SLMAP: variants seen among roughly 807,000 people sequenced by gnomAD.
The protein encoded by SLMAP is sarcolemma associated protein, also known as sarcolemmal membrane-associated protein.
In SLMAP, 44 loss-of-function variants were observed where a neutral mutation model predicts 128.8. The ratio of observed to expected loss-of-function variants is 0.34; its 90% confidence interval spans 0.27 to 0.44. The LOEUF is 0.44. SLMAP is among the 20% of genes least tolerant of loss of function. The probability of loss-of-function intolerance (pLI) is 1.00; values close to 1 mark genes in which losing one functional copy is unlikely to be tolerated. For synonymous variants in SLMAP, 327 were observed against 348.8 expected (o/e 0.94, Z 0.70); for missense variants, 787 against 985.3 (o/e 0.80, Z 2.69).
At chr3:57,905,120 G>A (rs1324957832) in intron 17 of SLMAP, among the ~76,000 whole-genome samples, 1 of 152,108 alleles carries the variant, frequency 6.6e-6, no homozygotes, top group African/African-American at 2.4e-5. Flanking sequence ...ATGGCTACTG[G>A]TGTATAATTG....
intron 5 of SLMAP, among the ~76,000 whole-genome samples, chr3:57,848,272 A>C (rs72876724): frequency 0.37 from 46,751 of 127,292 alleles, 7,650 homozygotes; most frequent in East Asian, 0.53. Context: ...TCCTCCTCTT[A>C]CTCCATCTTC....
At chr3:57,912,157 T>C (rs2096716407) in intron 19 of SLMAP, 2 of 448,764 alleles carry the variant, frequency 4.5e-6, no homozygotes, top group Non-Finnish European at 8.1e-6. Context: ...CCAGAAGGAA[T>C]ATCAGAAGTA....
intron 2 of SLMAP, among the ~76,000 whole-genome samples, chr3:57,784,534 C>T (rs2083696151): frequency 6.6e-6 from 1 of 152,212 alleles, no homozygotes; most frequent in African/African-American, 2.4e-5. Flanking sequence ...CTTGTTTTAA[C>T]AGGCTCACAC....
At chr3:57,910,519 G>T (rs2096668520) in intron 19 of SLMAP, among the ~76,000 whole-genome samples, 1 of 152,160 alleles carries the variant, frequency 6.6e-6, no homozygotes, top group Non-Finnish European at 1.5e-5. Flanking sequence ...TAGGATAGTA[G>T]TCTCTGCACT....
At chr3:57,846,075 C>T (rs911044213) in intron 4 of SLMAP, among the ~76,000 whole-genome samples, 5 of 152,136 alleles carry the variant, frequency 3.3e-5, no homozygotes, top group South Asian at 2.1e-4. Flanking sequence ...CTCCTGACCT[C>T]GTGATCCGCC....
chr3:57,848,604 C>T (rs78930913), intron 5 of SLMAP, among the ~76,000 whole-genome samples: 23,492 of 149,086 alleles, frequency 0.16, 2,379 homozygotes, highest in East Asian at 0.43. Flanking sequence ...CCTCCTTCCT[C>T]CTCCCCCTCT....
intron 2 of SLMAP, among the ~76,000 whole-genome samples, chr3:57,827,602 C>G (rs564588849): frequency 5.9e-5 from 9 of 152,198 alleles, no homozygotes; most frequent in Non-Finnish European, 1.2e-4. Context: ...GAACTTTCAC[C>G]TTAAGCCACA....
At chr3:57,845,007 G>A (rs557736236) in intron 4 of SLMAP, among the ~76,000 whole-genome samples, 1 of 152,260 alleles carries the variant, frequency 6.6e-6, no homozygotes, top group South Asian at 2.1e-4. Flanking sequence ...TATCTGCAGA[G>A]AAAAGGATAT....
intron 6 of SLMAP, among the ~76,000 whole-genome samples, chr3:57,855,557 A>G (rs948654251): frequency 7.3e-5 from 11 of 151,476 alleles, no homozygotes; most frequent in African/African-American, 2.4e-4. Context: ...AACACTGTAC[A>G]CTTAGGCTGC....
At chr3:57,760,105 A>G (rs2078319774) in intron 2 of SLMAP, among the ~76,000 whole-genome samples, 1 of 152,110 alleles carries the variant, frequency 6.6e-6, no homozygotes, top group South Asian at 2.1e-4. Flanking sequence ...ATGCCCAGCT[A>G]ATTTTTATAT....
At position 57,857,844 on chromosome 3, in the gene SLMAP, T is replaced by C; in HGVS notation, c.615+16T>C. The C allele has an allele frequency of 6.6e-7, 1 of 1,517,328 alleles. No homozygotes were observed. The highest frequency in any genetic ancestry group is 1.7e-4 in the Middle Eastern group (1 of 5,860). 94.0% of individuals were successfully genotyped at this position (1,517,328 alleles called of 1,614,324 possible). A position where few individuals can be genotyped will look rare whatever the true frequency, so the allele number is the denominator to read the frequency against. ...CAGTTGGCAGGTATTCCAGTTGTTT[T>C]ATATTTAAGAAACATTTAAACATAG... On this transcript the variant is annotated intron_variant, in intron 7 of 24. Transcript: ENST00000671191.
intron 17 of SLMAP, among the ~76,000 whole-genome samples, chr3:57,904,104 C>CT (rs1202476408): frequency 6.7e-6 from 1 of 149,770 alleles, no homozygotes. Context: ...GATCTGCACA[C>CT]TAACTATTCG....
chr3:57,780,232 G>C (rs545986580), intron 2 of SLMAP, among the ~76,000 whole-genome samples: 2 of 150,146 alleles, frequency 1.3e-5, no homozygotes, highest in African/African-American at 4.9e-5. Flanking sequence ...CTGCAGCCTT[G>C]ACCTCCTGGG....
chr3:57,792,922 G>A (rs1482490241), intron 2 of SLMAP, among the ~76,000 whole-genome samples: 1 of 151,990 alleles, frequency 6.6e-6, no homozygotes, highest in Non-Finnish European at 1.5e-5. Flanking sequence ...TGGATTGCTT[G>A]AGCTCAGGAG....
intron 2 of SLMAP, among the ~76,000 whole-genome samples, chr3:57,764,514 A>G (rs1356489992): frequency 2.0e-5 from 3 of 148,296 alleles, no homozygotes; most frequent in Non-Finnish European, 4.5e-5. Flanking sequence ...AAAAAAAAAG[A>G]AAAGAAAAGA....
chr3:57,911,890 T>C (rs1037503615), intron 19 of SLMAP, among the ~76,000 whole-genome samples: 10 of 144,330 alleles, frequency 6.9e-5, no homozygotes, highest in Non-Finnish European at 1.2e-4. Flanking sequence ...TGCTTACCAT[T>C]TGACCAAGCA....
In SLMAP at chr3:57,803,176, G is replaced by T. The variant is rs999699368; in HGVS notation, c.199-28207G>T. 2.0e-5 allele frequency among the ~76,000 whole-genome samples: 3 copies of T among 152,160 alleles called. No individual in the cohort carries two copies. In the East Asian group the frequency reaches 5.8e-4, roughly 29 times the overall value. ...TGAAAACTTTGATTCCATGAAAAATGACAAAAATGGAAATTGGGCATGTTT... is the reference window on the plus strand; with the variant it reads ...TGAAAACTTTGATTCCATGAAAAATTACAAAAATGGAAATTGGGCATGTTT... On this transcript the variant is annotated intron_variant, in intron 2 of 24. Coordinates refer to ENST00000671191, the MANE Select transcript of SLMAP (RefSeq NM_001377540.1).
Position 57,858,214 on chromosome 3 carries a change from C to T in SLMAP, c.687+55C>T. ...AAATGCATAGTTTTTTATGTAACAT[C>T]ATTTCTTTGACTATCATTTTGAGTA... On this transcript the variant is annotated intron_variant, in intron 8 of 24. Transcript: ENST00000671191. 3.1e-6 allele frequency: 3 copies of T among 963,736 alleles called. No homozygotes were observed. In the South Asian group the frequency reaches 4.0e-5, roughly 13 times the overall value. 59.7% of individuals were successfully genotyped at this position (963,736 alleles called of 1,614,324 possible). A position where few individuals can be genotyped will look rare whatever the true frequency, so the allele number is the denominator to read the frequency against.
intron 22 of SLMAP, among the ~76,000 whole-genome samples, chr3:57,921,422 T>C (rs1378243385): frequency 2.0e-5 from 3 of 151,134 alleles, no homozygotes; most frequent in Non-Finnish European, 4.4e-5. Context: ...AGGCCAGGAG[T>C]TCAAGACCAT....
Sources: gnomAD v4.1 joint callset for allele counts (sites outside exome capture counted in the v4.1 genomes callset) on GRCh38, gnomAD v4.1.1 for gene constraint, MANE v1.5 for transcripts, NCBI Gene and HGNC (gene_info 2026-07-23, HGNC 2026-07-21) for gene names.